RB1CC1: variants seen among roughly 807,000 people sequenced by gnomAD.
RB1CC1 encodes RB1-inducible coiled-coil protein 1.
Under a neutral mutation model 177.5 loss-of-function variants are expected in RB1CC1, and 46 were observed. That is an observed-to-expected ratio of 0.26 (90% CI 0.20 to 0.33). The LOEUF is 0.33. Ranked by LOEUF, RB1CC1 falls within the 10% of genes least tolerant of loss-of-function variation. RB1CC1 has a pLI of 1.00. For missense variants in RB1CC1, 1,703 were observed against 1,816.3 expected (o/e 0.94, Z 1.13); for synonymous variants, 666 against 613.6 (o/e 1.09, Z -1.26).
chr8:52,663,542 T>C lies in RB1CC1; in HGVS notation c.1174-1823A>G, dbSNP rs139102537. On this transcript the variant is annotated intron_variant, in intron 8 of 23. Coordinates refer to ENST00000025008, the MANE Select transcript of RB1CC1 (RefSeq NM_014781.5). ...AATTGGGAGTGGTTTTAAGTTTTAA[T>C]TGCTATGTAGCTAGAATGTATTATA... Among the ~76,000 whole-genome samples the C allele has an allele frequency of 1.7e-3, 253 of 152,290 alleles. 2 individuals are homozygous for C. The highest frequency in any genetic ancestry group is 5.8e-3 in the African/African-American group (240 of 41,578).
chr8:52,634,812 A>G (rs1396418196), intron 20 of RB1CC1, 109 bp downstream of exon 20: 4 of 937,636 alleles, frequency 4.3e-6, no homozygotes, highest in Non-Finnish European at 6.3e-6. Context: ...AACCTACTAT[A>G]GATAAGTCAA....
At chr8:52,680,459 C>T (rs1853591878) in intron 5 of RB1CC1, among the ~76,000 whole-genome samples, 1 of 152,102 alleles carries the variant, frequency 6.6e-6, no homozygotes, top group Non-Finnish European at 1.5e-5. Flanking sequence ...TGCACTGAGT[C>T]CATTTCAAGA....
At position 52,623,033 on chromosome 8, in the gene RB1CC1, T is replaced by C. The variant is rs576513000; in HGVS notation, c.*749A>G. ...ACCATGAATTACGATTTCATCAATA[T>C]GATTATTCTAGAGTCATAAAGATGT... On this transcript the variant is annotated 3_prime_UTR_variant, in exon 24 of 24. Coordinates refer to ENST00000025008, the MANE Select transcript of RB1CC1 (RefSeq NM_014781.5). 1 of 152,250 alleles carries C rather than the reference T, an allele frequency of 6.6e-6. No individual in the cohort carries two copies. The highest frequency in any genetic ancestry group is 2.4e-5 in the African/African-American group (1 of 41,538). The allele number at this position is 152,250 out of a possible 1,614,324, so 9.4% of individuals were successfully genotyped here.
At chr8:52,637,366 G>C (rs1239973691) in intron 18 of RB1CC1, among the ~76,000 whole-genome samples, 2 of 152,122 alleles carry the variant, frequency 1.3e-5, no homozygotes, top group African/African-American at 4.8e-5. Context: ...TTCATTGCTA[G>C]TAGAAAGAAT....
intron 18 of RB1CC1, among the ~76,000 whole-genome samples, chr8:52,640,191 T>C (rs903724625): frequency 1.3e-5 from 2 of 152,134 alleles, no homozygotes; most frequent in African/African-American, 4.8e-5. Flanking sequence ...ATATGCAGAA[T>C]CTTAAGTTTA....
intron 1 of RB1CC1, among the ~76,000 whole-genome samples, chr8:52,700,195 G>A (rs1855922532): frequency 6.6e-6 from 1 of 152,000 alleles, no homozygotes; most frequent in African/African-American, 2.4e-5. Context: ...AGTCTTTCAC[G>A]GTGGTAAGAC....
chr8:52,686,327 T>C (rs1854272340), intron 2 of RB1CC1, among the ~76,000 whole-genome samples: 1 of 152,202 alleles, frequency 6.6e-6, no homozygotes, highest in Non-Finnish European at 1.5e-5. Flanking sequence ...GAGGATCACT[T>C]GAGGCCAGGA....
chr8:52,638,885 T>A (rs1017979936), intron 18 of RB1CC1, among the ~76,000 whole-genome samples: 1 of 152,124 alleles, frequency 6.6e-6, no homozygotes, highest in Non-Finnish European at 1.5e-5. Flanking sequence ...TCCATATATA[T>A]CCACTGGTTT....
In RB1CC1 at chr8:52,670,825, A is replaced by T. The variant is rs536393787; in HGVS notation, c.1003-2634T>A. Among the ~76,000 whole-genome samples the T allele has an allele frequency of 1.7e-4, 26 of 151,886 alleles. No homozygotes were observed. The South Asian group carries it at 1.9e-3, about 11-fold the overall frequency. On this transcript the variant is annotated intron_variant, in intron 7 of 23. Coordinates refer to ENST00000025008, the MANE Select transcript of RB1CC1 (RefSeq NM_014781.5). ...AACATGGCCAAACTCTATCTCTATT[A>T]AAAAAAACAAAAATTTGCCAGGTGT...
At chr8:52,625,613 C>T (rs986811503) in intron 22 of RB1CC1, among the ~76,000 whole-genome samples, 2 of 152,172 alleles carry the variant, frequency 1.3e-5, no homozygotes, top group Non-Finnish European at 2.9e-5. Flanking sequence ...TTTAATACTT[C>T]TAATCTACCA....
chr8:52,689,437 T>C (rs1025676434), intron 1 of RB1CC1, among the ~76,000 whole-genome samples: 1 of 152,328 alleles, frequency 6.6e-6, no homozygotes, highest in Admixed American at 6.5e-5. Flanking sequence ...ACCTCCATGC[T>C]GCCTTCAAAG....
chr8:52,712,808 A>C (rs756175657), intron 1 of RB1CC1, among the ~76,000 whole-genome samples: 5 of 152,212 alleles, frequency 3.3e-5, no homozygotes, highest in Non-Finnish European at 7.3e-5. Context: ...AAATATCTTC[A>C]TTAGGGCCAT....
rs762268293 is a variant in RB1CC1, at chr8:52,656,047, A to G, written c.3782T>C (p.Leu1261Ser). 4.3e-6 allele frequency: 7 copies of G among 1,611,384 alleles called. No homozygotes were observed. In the African/African-American group the frequency reaches 6.7e-5, roughly 15 times the overall value. ...ATTCTCAAGATGTTTAACTTTTTCTAATAACTCTTTCTCAACAACTTCTCT... is the reference window on the plus strand; with the variant it reads ...ATTCTCAAGATGTTTAACTTTTTCTGATAACTCTTTCTCAACAACTTCTCT... ...LEREVVEKEL[L>S]EKVKHLENQI... The change falls in exon 15 of 24, where the codon TTA becomes TCA. Residue 1261 changes from leucine to serine, a missense_variant. Leu to Ser is a moderately radical substitution (Grantham distance 145). This residue lies in a region of RB1CC1 where 1,169 missense variants were observed against 1,184.7 expected (regional missense o/e 0.99). Coordinates refer to ENST00000025008, the MANE Select transcript of RB1CC1 (RefSeq NM_014781.5).
chr8:52,651,898 G>A (rs1413117564), intron 15 of RB1CC1, among the ~76,000 whole-genome samples: 1 of 152,116 alleles, frequency 6.6e-6, no homozygotes, highest in Non-Finnish European at 1.5e-5. Context: ...ACCAATAAAT[G>A]TTAAGATTAT....
chr8:52,671,713 T>C (rs1852619870), intron 7 of RB1CC1, among the ~76,000 whole-genome samples: 1 of 152,216 alleles, frequency 6.6e-6, no homozygotes, highest in Admixed American at 6.5e-5. Flanking sequence ...ACTTCAAACA[T>C]TTATTTTAAA....
At chr8:52,672,391 T>C (rs1852683101) in intron 7 of RB1CC1, among the ~76,000 whole-genome samples, 1 of 152,152 alleles carries the variant, frequency 6.6e-6, no homozygotes, top group Admixed American at 6.5e-5. Flanking sequence ...ACAAAGCCGA[T>C]TTCAGGTTCG....
chr8:52,676,763 G>C (rs867585833), intron 5 of RB1CC1, among the ~76,000 whole-genome samples, 192 bp from the exon 6 acceptor site: 1 of 152,092 alleles, frequency 6.6e-6, no homozygotes, highest in African/African-American at 2.4e-5. Context: ...AGGTGTTTCC[G>C]AGCAGGTATC....
intron 6 of RB1CC1, among the ~76,000 whole-genome samples, 172 bp downstream of exon 6, chr8:52,676,197 T>G (rs1222599964): frequency 6.6e-6 from 1 of 152,164 alleles, no homozygotes; most frequent in South Asian, 2.1e-4. Context: ...GAATTATCAT[T>G]TTTTAAATTA....
chr8:52,676,209 A>G (rs1321479876), intron 6 of RB1CC1, among the ~76,000 whole-genome samples, 160 bp downstream of exon 6: 2 of 152,212 alleles, frequency 1.3e-5, no homozygotes, highest in Admixed American at 6.5e-5. Flanking sequence ...TTTAAATTAA[A>G]AACTATAACC....
Sources: gnomAD v4.1 joint callset for allele counts (sites outside exome capture counted in the v4.1 genomes callset) on GRCh38, gnomAD v4.1.1 for gene constraint, gnomAD v4.1.1 regional missense constraint, MANE v1.5 for transcripts, NCBI Gene and HGNC (gene_info 2026-07-23, HGNC 2026-07-21) for gene names.